LEKR1: variants seen among roughly 807,000 people sequenced by gnomAD.
The protein encoded by LEKR1 is leucine, glutamate and lysine rich 1, also known as protein LEKR1.
LEKR1 carries 59 observed loss-of-function variants against 72.4 expected under a neutral mutation model. The ratio of observed to expected loss-of-function variants is 0.82; its 90% CI spans 0.66 to 1.01. The LOEUF (loss-of-function observed/expected upper bound fraction) is 1.01. LEKR1 is among the 50% of genes least tolerant of loss of function. LEKR1 has a pLI of 0.00. For synonymous variants in LEKR1, 257 were observed against 263.2 expected (o/e 0.98, Z 0.23); for missense variants, 728 against 759.2 (o/e 0.96, Z 0.48).
intron 3 of LEKR1, among the ~76,000 whole-genome samples, chr3:156,909,590 A>G (rs1424543625): frequency 6.6e-6 from 1 of 150,870 alleles, no homozygotes; most frequent in East Asian, 1.9e-4. Flanking sequence ...GGCAGAGGTT[A>G]CAGTGAGCCG....
intron 4 of LEKR1, chr3:156,925,333 T>TGTG (rs368776705): frequency 0.12 from 8,693 of 74,908 alleles, 354 homozygotes; most frequent in Non-Finnish European, 0.19. Flanking sequence ...GTGTGTGTGT[T>TGTG]TGTGTGTGTC....
intron 6 of LEKR1, among the ~76,000 whole-genome samples, chr3:156,971,559 C>T (rs1428756939): frequency 1.3e-5 from 2 of 152,186 alleles, no homozygotes; most frequent in African/African-American, 2.4e-5. Flanking sequence ...AGGCAACCTA[C>T]AAAATGGGAG....
chr3:156,873,501 C>T (rs6786167), intron 3 of LEKR1, among the ~76,000 whole-genome samples: 50,948 of 151,854 alleles, frequency 0.34, 11,180 homozygotes, highest in African/African-American at 0.62. Context: ...TTTCTCCCTT[C>T]TTGTTTATCA....
rs1576665331 is a variant in LEKR1, at chr3:156,852,879, T to C, written c.160T>C (p.Tyr54His). ...VKAMEKEMKF[Y>H]QGSVDREKRL... The stretch of plus-strand genomic sequence containing the variant: ...AGCAATGGAAAAAGAGATGAAATTT[T>C]ATCAAGGAAGTGTAGATCGTGAAAA... The change falls in exon 3 of 13, where the codon TAT becomes CAT. Residue 54 changes from tyrosine (Y) to histidine (H), a missense_variant. Physicochemically the swap from Tyr to His is moderately conservative, Grantham distance 83 (BLOSUM62 2). Coordinates refer to ENST00000356539, the MANE Select transcript of LEKR1 (RefSeq NM_001004316.3). 2 of 1,535,100 alleles carry C rather than the reference T, an allele frequency of 1.3e-6. No individual in the cohort carries two copies. The highest frequency in any genetic ancestry group is 1.4e-5 in the African/African-American group (1 of 73,066).
At chr3:156,883,095 A>G (rs576271353) in intron 3 of LEKR1, among the ~76,000 whole-genome samples, 2 of 152,246 alleles carry the variant, frequency 1.3e-5, no homozygotes, top group African/African-American at 4.8e-5. Flanking sequence ...TGGCACATGT[A>G]TACATATGTA....
At position 156,943,893 on chromosome 3, in the gene LEKR1, A is replaced by G. The variant is rs933368064; in HGVS notation, c.745+1179A>G. ...ATCAGATAAAATTTAAAATAATCATATATTTTTATTTTCTTTCCTGAGAAC... is the reference window on the plus strand; with the variant it reads ...ATCAGATAAAATTTAAAATAATCATGTATTTTTATTTTCTTTCCTGAGAAC... On this transcript the variant is annotated intron_variant, in intron 6 of 12. Transcript: ENST00000356539. Among the ~76,000 whole-genome samples the G allele has an allele frequency of 2.0e-5, 3 of 151,822 alleles. No homozygotes were observed. The Admixed American group carries it at 2.0e-4, about 10-fold the overall frequency.
At chr3:157,008,918 T>G (rs540064491) in intron 9 of LEKR1, among the ~76,000 whole-genome samples, 1 of 152,326 alleles carries the variant, frequency 6.6e-6, no homozygotes, top group South Asian at 2.1e-4. Context: ...TTATCTGTTC[T>G]GCTCTAGCCT....
chr3:156,982,939 A>G lies in LEKR1; in HGVS notation c.827+3664A>G, dbSNP rs932376882. On this transcript the variant is annotated intron_variant, in intron 7 of 12. Coordinates refer to ENST00000356539, the MANE Select transcript of LEKR1 (RefSeq NM_001004316.3). ...AGCTAGAGACAGGTAGCATAGAGAA[A>G]GGTCTCCAGCACCTGAAGCCACTTA... Among the ~76,000 whole-genome samples the G allele has an allele frequency of 3.9e-5, 6 of 152,018 alleles. No individual in the cohort carries two copies. The East Asian group carries it at 1.2e-3, about 29-fold the overall frequency.
At chr3:156,971,934 T>A (rs563409821) in intron 6 of LEKR1, among the ~76,000 whole-genome samples, 17 of 152,270 alleles carry the variant, frequency 1.1e-4, no homozygotes, top group African/African-American at 3.6e-4. Flanking sequence ...TCAGTGTGGC[T>A]ATTCCTCAGG....
intron 7 of LEKR1, among the ~76,000 whole-genome samples, chr3:156,989,379 G>C (rs1730970096): frequency 6.6e-6 from 1 of 152,092 alleles, no homozygotes; most frequent in African/African-American, 2.4e-5. Flanking sequence ...ATTTTTGCTA[G>C]AATCAAACTT....
chr3:157,004,730 G>A (rs1732279149), intron 9 of LEKR1, among the ~76,000 whole-genome samples: 1 of 151,992 alleles, frequency 6.6e-6, no homozygotes, highest in Non-Finnish European at 1.5e-5. Context: ...AAATAAGACA[G>A]TGGTCAAATA....
rs1038828822 is a variant in LEKR1 at position 156,866,325 on chromosome 3, T to A, written c.263+13343T>A. On this transcript the variant is annotated intron_variant, in intron 3 of 12. Transcript: ENST00000356539. ...ATGTGAGTGAAAATCTGCTGGGGGG[T>A]TCTGGGAAATTTTGCACCACCTCTT... Among the ~76,000 whole-genome samples, 154 of 151,590 alleles carry A rather than the reference T, an allele frequency of 1.0e-3. 2 individuals are homozygous for A. Among genetic ancestry groups the A allele is most frequent in the Non-Finnish European group, 8.8e-5 (6 of 67,864 alleles).
intron 2 of LEKR1, among the ~76,000 whole-genome samples, chr3:156,837,612 A>G (rs1713323005): frequency 6.6e-6 from 1 of 152,192 alleles, no homozygotes; most frequent in African/African-American, 2.4e-5. Flanking sequence ...TCCATGACAG[A>G]AGACACATAA....
At chr3:156,904,558 C>T (rs1722349401) in intron 3 of LEKR1, among the ~76,000 whole-genome samples, 1 of 151,402 alleles carries the variant, frequency 6.6e-6, no homozygotes, top group South Asian at 2.1e-4. Context: ...CGCTCGGGCT[C>T]AAGCAATACT....
At chr3:156,897,883 G>A (rs1035354009) in intron 3 of LEKR1, among the ~76,000 whole-genome samples, 1 of 151,494 alleles carries the variant, frequency 6.6e-6, no homozygotes, top group Non-Finnish European at 1.5e-5. Context: ...AATCCGGGAG[G>A]CAGAGGTTAC....
intron 3 of LEKR1, among the ~76,000 whole-genome samples, chr3:156,903,213 C>T (rs937352792): frequency 6.6e-6 from 1 of 152,120 alleles, no homozygotes; most frequent in African/African-American, 2.4e-5. Flanking sequence ...TTAGAAAATG[C>T]CTTTCCATTG....
rs1734390396 is a variant in LEKR1 at position 157,028,777 on chromosome 3, A to G, written c.1668+375A>G. ...AACTTTTAGAGAACTTTCTGCATAC[A>G]TTTAAAAAAATTAGACTATGTCTTT... On this transcript the variant is annotated intron_variant, in intron 12 of 12. Transcript: ENST00000356539. Among the ~76,000 whole-genome samples the G allele has an allele frequency of 2.0e-5, 3 of 152,182 alleles. No homozygotes were observed. The South Asian group carries it at 6.2e-4, about 31-fold the overall frequency.
intron 1 of LEKR1, among the ~76,000 whole-genome samples, chr3:156,828,459 C>T (rs1034015473): frequency 2.4e-5 from 1 of 41,336 alleles, no homozygotes; most frequent in African/African-American, 7.1e-5. Context: ...TCTTAGACTG[C>T]TCTTGTCTAT....
At chr3:157,005,999 A>ATT (rs748719503) in intron 9 of LEKR1, among the ~76,000 whole-genome samples, 4,769 of 140,920 alleles carry the variant, frequency 0.034, 291 homozygotes, top group African/African-American at 0.12. Flanking sequence ...ACTACTATAC[A>ATT]TTTTTTTTTT....
Sources: gnomAD v4.1 joint callset for allele counts (sites outside exome capture counted in the v4.1 genomes callset) on GRCh38, gnomAD v4.1.1 for gene constraint, MANE v1.5 for transcripts, NCBI Gene and HGNC (gene_info 2026-07-23, HGNC 2026-07-21) for gene names.